TBCK: variants seen among roughly 807,000 people sequenced by gnomAD.
TBCK encodes TBC domain-containing protein kinase-like protein.
TBCK carries 99 observed loss-of-function variants against 113.4 expected under a neutral mutation model. That is an observed-to-expected ratio of 0.87 (90% CI 0.74 to 1.03). TBCK has a LOEUF of 1.03. TBCK is among the 50% of genes least tolerant of loss of function. TBCK has a pLI of 0.00. For missense variants in TBCK, 1,045 were observed against 1,061.3 expected (o/e 0.98, Z 0.21); for synonymous variants, 369 against 370.8 (o/e 1.00, Z 0.05).
At chr4:106,073,532 C>T (rs1578814972) in intron 25 of TBCK, among the ~76,000 whole-genome samples, 1 of 152,294 alleles carries the variant, frequency 6.6e-6, no homozygotes, top group East Asian at 1.9e-4. Flanking sequence ...GTCAGTCAGC[C>T]CCTACTGGGA....
At chr4:106,167,280 A>T (rs2149725080) in intron 23 of TBCK, among the ~76,000 whole-genome samples, 1 of 150,158 alleles carries the variant, frequency 6.7e-6, no homozygotes, top group South Asian at 2.1e-4. Flanking sequence ...ATACCAACAT[A>T]CTTAGACACG....
chr4:106,297,668 A>G (rs912954214), intron 2 of TBCK: 1 of 152,242 alleles, frequency 6.6e-6, no homozygotes, highest in Non-Finnish European at 1.5e-5. Flanking sequence ...ACCAACTTCC[A>G]TCACACTGAT....
chr4:106,074,178 A>C (rs1737884762), intron 25 of TBCK, among the ~76,000 whole-genome samples: 1 of 151,792 alleles, frequency 6.6e-6, no homozygotes, highest in Admixed American at 6.6e-5. Context: ...TGCAGAAATC[A>C]CCTGTCTTCT....
intron 25 of TBCK, among the ~76,000 whole-genome samples, chr4:106,075,611 C>G (rs747604861): frequency 2.2e-4 from 33 of 151,964 alleles, no homozygotes; most frequent in Admixed American, 3.9e-4. Flanking sequence ...TCATAGATGA[C>G]GTATTTAATT....
intron 3 of TBCK, among the ~76,000 whole-genome samples, chr4:106,270,693 A>G (rs889050873): frequency 6.6e-6 from 1 of 152,210 alleles, no homozygotes; most frequent in African/African-American, 2.4e-5. Context: ...TGACTAATTT[A>G]TCACCCTACC....
intron 3 of TBCK, among the ~76,000 whole-genome samples, chr4:106,289,698 G>A (rs1765477265): frequency 6.6e-6 from 1 of 151,154 alleles, no homozygotes; most frequent in Admixed American, 6.6e-5. Context: ...AACCCGGGAG[G>A]CAGAGGTTGC....
At chr4:106,212,599 C>T (rs538215972) in intron 20 of TBCK, 151 bp downstream of exon 20, 1 of 557,078 alleles carries the variant, frequency 1.8e-6, no homozygotes, top group African/African-American at 1.9e-5. Flanking sequence ...AAAGTAGCCA[C>T]AAACTTACTA....
intron 22 of TBCK, among the ~76,000 whole-genome samples, chr4:106,185,435 T>C (rs1752901707): frequency 6.6e-6 from 1 of 151,924 alleles, no homozygotes; most frequent in South Asian, 2.1e-4. Context: ...TCCCTAGAAA[T>C]TATATCTTGT....
intron 22 of TBCK, among the ~76,000 whole-genome samples, chr4:106,180,496 A>C (rs1217114140): frequency 6.6e-6 from 1 of 151,830 alleles, no homozygotes; most frequent in Non-Finnish European, 1.5e-5. Flanking sequence ...TCAACCCGTC[A>C]CCTACATTAG....
At chr4:106,282,291 CT>C (rs942508153) in intron 3 of TBCK, among the ~76,000 whole-genome samples, 1 of 151,604 alleles carries the variant, frequency 6.6e-6, no homozygotes, top group South Asian at 2.1e-4. Flanking sequence ...TGAGTCTTCT[CT>C]TTTTTTTCTT....
intron 16 of TBCK, 55 bp from the exon 17 acceptor site, chr4:106,233,119 AC>A: frequency 1.4e-6 from 2 of 1,480,956 alleles, no homozygotes; most frequent in South Asian, 1.2e-5. Context: ...TCAGCAATAA[AC>A]CCTTAATCCT....
intron 12 of TBCK, among the ~76,000 whole-genome samples, chr4:106,241,329 ATTAAC>A (rs1760113059): frequency 6.6e-6 from 1 of 151,852 alleles, no homozygotes; most frequent in Admixed American, 6.6e-5. Context: ...TTCTCTACAA[ATTAAC>A]TTATCAATTC....
Position 106,046,098 on chromosome 4 carries a change from C to G in TBCK, c.*472G>C, listed in dbSNP as rs1305575081. ...CCCCTTGTTTGGGTGAAATGAGTTA[C>G]TAAATGTAGCATTTATTTATAAGGA... On this transcript the variant is annotated 3_prime_UTR_variant, in exon 26 of 26. Transcript: ENST00000394708. 1 of 152,832 alleles carries G rather than the reference C, an allele frequency of 6.5e-6. No individual in the cohort carries two copies. Among genetic ancestry groups the G allele is most frequent in the Non-Finnish European group, 1.5e-5 (1 of 68,618 alleles). 9.5% of individuals were successfully genotyped at this position (152,832 alleles called of 1,614,324 possible).
intron 23 of TBCK, among the ~76,000 whole-genome samples, chr4:106,120,668 G>A (rs559612349): frequency 4.6e-5 from 7 of 151,976 alleles, no homozygotes; most frequent in South Asian, 2.1e-4. Context: ...CCTGACCCCC[G>A]AGCAGCCTAA....
intron 25 of TBCK, among the ~76,000 whole-genome samples, chr4:106,090,227 G>A (rs899797970): frequency 2.6e-5 from 4 of 152,172 alleles, no homozygotes; most frequent in South Asian, 2.1e-4. Context: ...CAGGGATTAC[G>A]GCTTGCTCCC....
At chr4:106,266,288 T>C (rs1274907056) in intron 3 of TBCK, among the ~76,000 whole-genome samples, 2 of 151,846 alleles carry the variant, frequency 1.3e-5, no homozygotes, top group African/African-American at 2.4e-5. Context: ...CATTTGGCTC[T>C]ACAAGTCAAT....
At chr4:106,286,431 C>G (rs1037224240) in intron 3 of TBCK, among the ~76,000 whole-genome samples, 1 of 152,138 alleles carries the variant, frequency 6.6e-6, no homozygotes, top group African/African-American at 2.4e-5. Context: ...ATGGTAAGCA[C>G]AGAAATGCAA....
At chr4:106,218,073 C>T (rs1216627360) in intron 19 of TBCK, among the ~76,000 whole-genome samples, 180 of 145,986 alleles carry the variant, frequency 1.2e-3, no homozygotes, top group African/African-American at 4.5e-3. Context: ...CGCATATCTA[C>T]AACTATCTGA....
intron 19 of TBCK, among the ~76,000 whole-genome samples, chr4:106,228,177 C>G (rs1366061040): frequency 6.6e-6 from 1 of 151,918 alleles, no homozygotes; most frequent in Non-Finnish European, 1.5e-5. Flanking sequence ...AATGCATAAT[C>G]TCATTCAGGG....
Sources: allele counts gnomAD v4.1 joint callset (sites outside exome capture counted in the v4.1 genomes callset), GRCh38; gene constraint gnomAD v4.1.1; transcripts MANE v1.5; gene names NCBI Gene and HGNC (gene_info 2026-07-23, HGNC 2026-07-21).